Variants in C3orf20 observed in about 807,000 individuals in gnomAD.
The protein encoded by C3orf20 is family with sequence similarity 149 member C.
C3orf20 carries 76 observed loss-of-function variants against 88.3 expected under a neutral mutation model. The observed-to-expected ratio is 0.86, with a 90% CI of 0.72 to 1.04. The LOEUF is 1.04. C3orf20 is among the 50% of genes least tolerant of loss of function. C3orf20 has a pLI of 0.00. For synonymous variants in C3orf20, 436 were observed against 437.4 expected, an observed-to-expected ratio of 1.00 and a Z score of 0.04; for missense variants, 1,056 against 1,123.3, an observed-to-expected ratio of 0.94 and a Z score of 0.86.
At position 14,689,985 on chromosome 3, in the gene C3orf20, C is replaced by T. The variant is rs971721067; in HGVS notation, c.626-12C>T. 1 of 1,614,190 alleles carries T rather than the reference C, an allele frequency of 6.2e-7. No homozygotes were observed. Among genetic ancestry groups the T allele is most frequent in the South Asian group, 1.1e-5 (1 of 91,064 alleles). ...ACAGTTGAAAGAAGAATCTCTCTCTCTCCCACTCCAGAGTCCCTCGCAAAC... is the reference window on the plus strand; with the variant it reads ...ACAGTTGAAAGAAGAATCTCTCTCTTTCCCACTCCAGAGTCCCTCGCAAAC... On this transcript the variant is annotated splice_polypyrimidine_tract_variant and intron_variant, in intron 4 of 16. Coordinates refer to ENST00000253697, the MANE Select transcript of C3orf20 (RefSeq NM_032137.5).
intron 6 of C3orf20, 104 bp from the exon 7 acceptor site, chr3:14,704,233 G>T: frequency 8.3e-7 from 1 of 1,203,000 alleles, no homozygotes; most frequent in South Asian, 1.5e-5. Flanking sequence ...TTGGGGACAG[G>T]GGAATGGGAT....
rs554984644 is a variant in C3orf20 at position 14,689,903 on chromosome 3, C to T, written c.626-94C>T. The T allele has an allele frequency of 1.9e-5, 30 of 1,543,620 alleles. No homozygotes were observed. In the African/African-American group the frequency reaches 2.7e-4, roughly 14 times the overall value. On this transcript the variant is annotated intron_variant, in intron 4 of 16. Coordinates refer to ENST00000253697, the MANE Select transcript of C3orf20 (RefSeq NM_032137.5). ...CGGCACTTTACAGTATGTGACCCAC[C>T]GTACTACTAGAACAAGAAATCCATG...
At chr3:14,764,226 A>C (rs1487995497) in intron 15 of C3orf20, among the ~76,000 whole-genome samples, 2 of 152,118 alleles carry the variant, frequency 1.3e-5, no homozygotes, top group Non-Finnish European at 2.9e-5. Flanking sequence ...ACATACACAC[A>C]TACATACAAA....
intron 7 of C3orf20, among the ~76,000 whole-genome samples, chr3:14,707,462 T>C (rs1412199747): frequency 6.8e-6 from 1 of 147,310 alleles, no homozygotes; most frequent in Non-Finnish European, 1.5e-5. Context: ...TGTGTGTGTG[T>C]GTGTGTGTGT....
intron 4 of C3orf20, 72 bp from the exon 5 acceptor site, chr3:14,689,925 C>T: frequency 6.2e-7 from 1 of 1,601,862 alleles, no homozygotes; most frequent in Non-Finnish European, 8.5e-7. Context: ...ACAAGAAATC[C>T]ATGTTACATT....
At chr3:14,723,439 G>T (rs1223055058) in intron 10 of C3orf20, among the ~76,000 whole-genome samples, 2 of 152,186 alleles carry the variant, frequency 1.3e-5, no homozygotes, top group African/African-American at 4.8e-5. Flanking sequence ...CCTGCAGCAG[G>T]CCAAGTTGGC....
chr3:14,757,538 C>T lies in C3orf20; in HGVS notation c.2108C>T (p.Ala703Val), dbSNP rs746614346. The T allele has an allele frequency of 5.5e-5, 89 of 1,614,072 alleles. No individual in the cohort carries two copies. Among genetic ancestry groups the T allele is most frequent in the Middle Eastern group, 1.7e-4 (1 of 6,052 alleles). The change falls in exon 13 of 17, where the codon GCG becomes GTG. Residue 703 changes from alanine (A) to valine (V), a missense_variant. Transcript: ENST00000253697. ...GTGGAGCTGGAGCGCTTCCTGTTGG[C>T]GCCCCGAGACCCCAGCCAAGTGCTG... ...SDVELERFLL[A>V]PRDPSQVLVF...
Position 14,772,799 on chromosome 3 carries a change from A to G in C3orf20, c.2639A>G (p.Glu880Gly), listed in dbSNP as rs1451371404. ...ELSLEAEKTR[E>G]PEVELHPLSR... ...TCTATTTTGATCTTTAGGACAAGAG[A>G]GCCTGAAGTGGAGCTACATCCTCTC... The change falls in exon 17 of 17, where the codon GAG (glutamate) becomes GGG (glycine). Residue 880 changes from glutamate (E) to glycine (G), a missense_variant. Transcript: ENST00000253697. This position sits in a 1 kb window ranked among gnomAD's most constrained non-coding sequence, Gnocchi z 4.2. 3 of 1,613,550 alleles carry G rather than the reference A, an allele frequency of 1.9e-6. No homozygotes were observed. The highest frequency in any genetic ancestry group is 2.5e-6 in the Non-Finnish European group (3 of 1,179,544).
In C3orf20 at chr3:14,772,717, C is replaced by A; in HGVS notation, c.2631-74C>A. 1 of 1,290,662 alleles carries A rather than the reference C, an allele frequency of 7.7e-7. No individual in the cohort carries two copies. Among genetic ancestry groups the A allele is most frequent in the South Asian group, 1.2e-5 (1 of 81,534 alleles). The allele number at this position is 1,290,662 out of a possible 1,614,324, so 80.0% of individuals were successfully genotyped here. ...AGGGAGAGGGCCTTGCCCCTCCTGGCCCAACCGGGCCTGGGCTCTGGGCAC... is the reference window on the plus strand; with the variant it reads ...AGGGAGAGGGCCTTGCCCCTCCTGGACCAACCGGGCCTGGGCTCTGGGCAC... On this transcript the variant is annotated intron_variant, in intron 16 of 16. Transcript: ENST00000253697. The surrounding 1 kb of genome is among the most constrained non-coding windows in gnomAD (Gnocchi z 4.2).
intron 12 of C3orf20, among the ~76,000 whole-genome samples, chr3:14,743,544 C>T (rs2034975761): frequency 6.6e-6 from 1 of 152,022 alleles, no homozygotes; most frequent in South Asian, 2.1e-4. Context: ...CTTCTCACAG[C>T]TCCACTAGGC....
At chr3:14,717,593 G>A (rs2033987482) in intron 9 of C3orf20, among the ~76,000 whole-genome samples, 2 of 152,272 alleles carry the variant, frequency 1.3e-5, no homozygotes, top group Non-Finnish European at 1.5e-5. Flanking sequence ...GTCAGGCTGG[G>A]GAGTTTGCAT....
At position 14,721,676 on chromosome 3, in the gene C3orf20, G is replaced by A. The variant is rs767673263; in HGVS notation, c.1458G>A (p.Lys486=). 3 of 1,614,114 alleles carry A rather than the reference G, an allele frequency of 1.9e-6. No homozygotes were observed. The highest frequency in any genetic ancestry group is 2.7e-5 in the African/African-American group (2 of 75,042). ...EYKVNEEMKL[K]VLGQDSITVT... The stretch of plus-strand genomic sequence containing the variant: ...AGGTGAATGAGGAAATGAAACTAAA[G>A]GTACTGGGACAGGACTCCATCACAG... The change falls in exon 10 of 17, where the codon AAG becomes AAA. Residue 486 remains lysine, a synonymous_variant. Transcript: ENST00000253697.
At chr3:14,707,268 G>T (rs1054286926) in intron 7 of C3orf20, among the ~76,000 whole-genome samples, 3 of 66,442 alleles carry the variant, frequency 4.5e-5, no homozygotes, top group Non-Finnish European at 3.3e-5. Context: ...AAAAAAAAAA[G>T]ATACGTCTGC....
At chr3:14,715,243 C>G in intron 8 of C3orf20, 46 bp from the exon 9 acceptor site, 1 of 1,594,972 alleles carries the variant, frequency 6.3e-7, no homozygotes, top group Non-Finnish European at 8.5e-7. Context: ...ATGAGAGCTT[C>G]CTTCAGGGGC....
chr3:14,684,108 C>T, intron 3 of C3orf20, 134 bp from the exon 4 acceptor site: 1 of 1,191,780 alleles, frequency 8.4e-7, no homozygotes. Flanking sequence ...TCACAGTAGC[C>T]CCCTCACCCC....
Position 14,759,942 on chromosome 3 carries a change from CAGG to C in C3orf20, c.2301_2303del (p.Glu767del). ...GCAGTATGACCTGGACAGCCCCCTG[CAGG>C]AGGACCCTCCCCTGATGGTGAAGAA... On this transcript the variant is annotated inframe_deletion, in exon 14 of 17. Transcript: ENST00000253697. 1.2e-6 allele frequency: 2 copies of C among 1,614,182 alleles called. No homozygotes were observed. The highest frequency in any genetic ancestry group is 1.7e-6 in the Non-Finnish European group (2 of 1,180,010).
intron 1 of C3orf20, among the ~76,000 whole-genome samples, chr3:14,681,803 A>G (rs111434978): frequency 1.2e-3 from 185 of 152,296 alleles, no homozygotes; most frequent in African/African-American, 3.8e-3. Context: ...AGGTTTTTCT[A>G]GCCATTTTTT....
intron 15 of C3orf20, among the ~76,000 whole-genome samples, chr3:14,770,356 T>A (rs1042622389): frequency 6.6e-6 from 1 of 152,162 alleles, no homozygotes; most frequent in Non-Finnish European, 1.5e-5. Flanking sequence ...CGGCATTTCT[T>A]GGTGTTTAGT....
At chr3:14,767,846 C>T (rs1185855207) in intron 15 of C3orf20, among the ~76,000 whole-genome samples, 1 of 152,232 alleles carries the variant, frequency 6.6e-6, no homozygotes, top group Admixed American at 6.5e-5. Context: ...CTGTGAGCCC[C>T]GTAAAGTGCT....
Sources: allele counts gnomAD v4.1 joint callset (sites outside exome capture counted in the v4.1 genomes callset), GRCh38; gene constraint gnomAD v4.1.1; non-coding constraint Gnocchi (gnomAD v3.1); transcripts MANE v1.5; gene names NCBI Gene and HGNC (gene_info 2026-07-23, HGNC 2026-07-21).